The following NRK variants were observed in gnomAD, a reference collection of about 807,000 sequenced individuals.
The protein encoded by NRK is nik-related protein kinase.
A neutral mutation model predicts 125.2 loss-of-function variants in NRK; 67 were observed. The observed-to-expected ratio is 0.54, with a 90% CI of 0.44 to 0.66. The LOEUF (loss-of-function observed/expected upper bound fraction) is 0.66. NRK is among the 30% of genes least tolerant of loss of function. The probability of loss-of-function intolerance (pLI) is 0.00; values close to 1 mark genes in which losing one functional copy is unlikely to be tolerated. For synonymous variants in NRK, 458 were observed against 429.0 expected (o/e 1.07, Z -0.84); for missense variants, 1,224 against 1,192.9 (o/e 1.03, Z -0.38).
intron 4 of NRK, among the ~76,000 whole-genome samples, chrX:105,886,378 AACAC>A (rs368953372): frequency 1.9e-5 from 2 of 106,208 alleles, no homozygotes; most frequent in East Asian, 2.9e-4. Flanking sequence ...TGATATGATC[AACAC>A]ACACACATAC....
At chrX:105,931,055 G>T (rs2040588338) in intron 19 of NRK, among the ~76,000 whole-genome samples, 1 of 112,217 alleles carries the variant, frequency 8.9e-6, no homozygotes, top group Admixed American at 9.4e-5. Flanking sequence ...GCTAGCTTGG[G>T]GTCTGGCTTA....
chrX:105,955,637 A>T lies in NRK; in HGVS notation c.*37A>T. 1 of 680,293 alleles carries T rather than the reference A, an allele frequency of 1.5e-6. No homozygotes were observed. Among genetic ancestry groups the T allele is most frequent in the Non-Finnish European group, 2.3e-6 (1 of 431,739 alleles). 56.1% of individuals were successfully genotyped at this position (680,293 alleles called of 1,213,427 possible). On this transcript the variant is annotated 3_prime_UTR_variant, in exon 29 of 29. Coordinates refer to ENST00000243300, the MANE Select transcript of NRK (RefSeq NM_198465.4). ...GATTTATTACCACATTATAAACATCATGTATAGGCAGTCTGCATCTTCAGA... is the reference window on the plus strand; with the variant it reads ...GATTTATTACCACATTATAAACATCTTGTATAGGCAGTCTGCATCTTCAGA...
At chrX:105,826,382 A>G (rs1484928982) in intron 1 of NRK, among the ~76,000 whole-genome samples, 35 of 71,858 alleles carry the variant, frequency 4.9e-4, no homozygotes, top group Non-Finnish European at 6.5e-4. Flanking sequence ...ATATATTATC[A>G]TATATATAAT....
chrX:105,930,484 T>C (rs919639761), intron 19 of NRK, among the ~76,000 whole-genome samples: 12 of 111,352 alleles, frequency 1.1e-4, no homozygotes, highest in African/African-American at 3.6e-4. Flanking sequence ...TTTTAAAATT[T>C]CATTGATTTG....
At chrX:105,935,646 T>G (rs2040654291) in intron 21 of NRK, among the ~76,000 whole-genome samples, 3 of 108,807 alleles carry the variant, frequency 2.8e-5, no homozygotes, top group Non-Finnish European at 5.7e-5. Flanking sequence ...AAAAATTAGC[T>G]GGGTGTGGTG....
chrX:105,877,407 G>C (rs1183602464), intron 2 of NRK, among the ~76,000 whole-genome samples: 2 of 111,394 alleles, frequency 1.8e-5, no homozygotes, highest in Non-Finnish European at 3.8e-5. Flanking sequence ...TTAAAATTTA[G>C]TTAAGAGTAT....
chrX:105,928,962 G>A (rs1435377512), intron 19 of NRK, among the ~76,000 whole-genome samples: 1 of 111,705 alleles, frequency 9.0e-6, no homozygotes, highest in Non-Finnish European at 1.9e-5. Flanking sequence ...TTCTGCAGCT[G>A]TTGGGTGAAA....
rs751513572 is a variant in NRK at position 105,834,450 on chromosome X, C to CGT, written c.123+3352_123+3353dup. Among the ~76,000 whole-genome samples, 114 of 105,208 alleles carry CGT rather than the reference C, an allele frequency of 1.1e-3. 1 individual carries two copies. In the South Asian group the frequency reaches 0.019, roughly 18 times the overall value. The allele number at this position is 105,208 out of a possible 115,157, so 91.4% of individuals were successfully genotyped here. ...AATATGAAATGTCTGGAGGTGTGTG[C>CGT]GTGTGTGTGTGTGTGTGTGTGTTGA... On this transcript the variant is annotated intron_variant, in intron 2 of 28. Transcript: ENST00000243300.
intron 21 of NRK, among the ~76,000 whole-genome samples, chrX:105,936,058 A>T (rs2040661039): frequency 9.0e-6 from 1 of 110,512 alleles, no homozygotes; most frequent in Non-Finnish European, 1.9e-5. Context: ...CACATTGGCA[A>T]TGCTGAGACA....
At chrX:105,840,073 T>C (rs760798059) in intron 2 of NRK, among the ~76,000 whole-genome samples, 2 of 111,302 alleles carry the variant, frequency 1.8e-5, no homozygotes, top group South Asian at 7.5e-4. Flanking sequence ...TGGAGAAAAA[T>C]GGAATATTTC....
chrX:105,916,010 T>C (rs2040360713), intron 15 of NRK, among the ~76,000 whole-genome samples: 1 of 111,219 alleles, frequency 9.0e-6, no homozygotes, highest in East Asian at 2.8e-4. Context: ...CTCTGTGATA[T>C]TTAGTTTGCT....
intron 2 of NRK, among the ~76,000 whole-genome samples, chrX:105,873,980 T>G (rs968783352): frequency 8.9e-6 from 1 of 112,481 alleles, no homozygotes; most frequent in Non-Finnish European, 1.9e-5. Context: ...ATAGAGTGAC[T>G]AAATCCTTGA....
intron 2 of NRK, among the ~76,000 whole-genome samples, chrX:105,863,319 CAG>C (rs1474114416): frequency 1.9e-5 from 1 of 53,712 alleles, no homozygotes; most frequent in East Asian, 6.5e-4. Context: ...TAAATAGTAA[CAG>C]ACACACACAC....
chrX:105,952,499 A>G (rs1200356384), intron 27 of NRK, among the ~76,000 whole-genome samples: 1 of 112,410 alleles, frequency 8.9e-6, no homozygotes, highest in Non-Finnish European at 1.9e-5. Flanking sequence ...TAAGAATATC[A>G]AATTAGCTTT....
At position 105,909,684 on chromosome X, in the gene NRK, A is replaced by C. The variant is rs769444636; in HGVS notation, c.2043A>C (p.Ala681=). Residue 681 remains alanine (A), a synonymous_variant, in exon 13 of 29, where the codon GCA becomes GCC. Transcript: ENST00000243300. Reference sequence around the variant, plus strand: ...GGTTTTACTCACAACCAGAACAGGCACGGGAGAAAAAATCAAAAGTTTCTA... The same window carrying C: ...GGTTTTACTCACAACCAGAACAGGCCCGGGAGAAAAAATCAAAAGTTTCTA... ...SNRFYSQPEQ[A]REKKSKVSTL... 8 of 1,188,790 alleles carry C rather than the reference A, an allele frequency of 6.7e-6. No homozygotes were observed. In the East Asian group the frequency reaches 1.8e-4, roughly 27 times the overall value.
chrX:105,926,661 A>AT (rs1395348780), intron 19 of NRK, among the ~76,000 whole-genome samples: 1 of 110,772 alleles, frequency 9.0e-6, no homozygotes, highest in Middle Eastern at 4.7e-3. Context: ...TTTTGAGTTG[A>AT]TTTTTTTATA....
intron 19 of NRK, among the ~76,000 whole-genome samples, chrX:105,929,185 T>G (rs779415180): frequency 9.0e-5 from 10 of 111,711 alleles, no homozygotes; most frequent in Admixed American, 1.9e-4. Flanking sequence ...CCATAAGTAT[T>G]TATAATTATT....
chrX:105,845,447 A>G (rs1422786660), intron 2 of NRK, among the ~76,000 whole-genome samples: 1 of 111,939 alleles, frequency 8.9e-6, no homozygotes, highest in African/African-American at 3.2e-5. Flanking sequence ...TAGGGTTGCC[A>G]GATTTGGCAA....
chrX:105,913,752 G>A (rs1741719990), intron 14 of NRK, among the ~76,000 whole-genome samples: 1 of 111,130 alleles, frequency 9.0e-6, no homozygotes, highest in Non-Finnish European at 1.9e-5. Context: ...TGGCAGTTTC[G>A]TTTTGTAACA....
Sources: allele counts gnomAD v4.1 joint callset (sites outside exome capture counted in the v4.1 genomes callset), GRCh38; gene constraint gnomAD v4.1.1; transcripts MANE v1.5; gene names NCBI Gene and HGNC (gene_info 2026-07-23, HGNC 2026-07-21).